Variants in CTIF observed in about 807,000 individuals in gnomAD.
CTIF encodes the protein CBP80/20-dependent translation initiation factor.
In CTIF, 21 loss-of-function variants were observed where a neutral mutation model predicts 66.0. The ratio of observed to expected loss-of-function variants is 0.32; its 90% CI spans 0.23 to 0.46. The LOEUF (loss-of-function observed/expected upper bound fraction) is 0.46. CTIF is among the 20% of genes least tolerant of loss of function. CTIF has a pLI of 1.00. For missense variants in CTIF, 739 were observed against 812.7 expected (o/e 0.91, Z 1.10); for synonymous variants, 345 against 326.4 (o/e 1.06, Z -0.62).
chr18:48,681,104 A>T (rs2091733630), intron 6 of CTIF, among the ~76,000 whole-genome samples: 1 of 152,236 alleles, frequency 6.6e-6, no homozygotes, highest in South Asian at 2.1e-4. Context: ...TGCAGCGGCC[A>T]GGCAGGAGGA....
At chr18:48,601,087 T>C (rs1255966452) in intron 1 of CTIF, among the ~76,000 whole-genome samples, 1 of 152,188 alleles carries the variant, frequency 6.6e-6, no homozygotes, top group African/African-American at 2.4e-5. Flanking sequence ...CGGAGAAGGG[T>C]ATCTCAGCTC....
intron 1 of CTIF, among the ~76,000 whole-genome samples, chr18:48,593,604 G>C (rs1462690726): frequency 6.6e-6 from 1 of 151,792 alleles, no homozygotes; most frequent in Non-Finnish European, 1.5e-5. Flanking sequence ...GGATGGTCTC[G>C]ATCTCCTGAC....
chr18:48,541,929 G>C (rs150814334), intron 1 of CTIF, among the ~76,000 whole-genome samples: 2 of 151,964 alleles, frequency 1.3e-5, no homozygotes, highest in East Asian at 3.9e-4. Context: ...AACACACTGA[G>C]GCTCAAAAAT....
chr18:48,794,213 A>G lies in CTIF; in HGVS notation c.1372-23008A>G, dbSNP rs191966273. Among the ~76,000 whole-genome samples, 65 of 152,348 alleles carry G rather than the reference A, an allele frequency of 4.3e-4. 1 individual carries two copies. Among genetic ancestry groups the G allele is most frequent in the Non-Finnish European group, 1.0e-4 (7 of 68,028 alleles). ...CATTCCTCCTAGAGATATGCAGTCAATACCACTCACATCTTTTGCTGCTCC... is the reference window on the plus strand; with the variant it reads ...CATTCCTCCTAGAGATATGCAGTCAGTACCACTCACATCTTTTGCTGCTCC... On this transcript the variant is annotated intron_variant, in intron 9 of 11. Coordinates refer to ENST00000256413, the MANE Select transcript of CTIF (RefSeq NM_014772.3).
chr18:48,647,891 A>G (rs2091077908), intron 3 of CTIF, among the ~76,000 whole-genome samples: 1 of 152,126 alleles, frequency 6.6e-6, no homozygotes, highest in Non-Finnish European at 1.5e-5. Flanking sequence ...AAAAGGACAG[A>G]ACTTTGGGGC....
chr18:48,615,477 A>G (rs1191082591), intron 1 of CTIF, among the ~76,000 whole-genome samples: 2 of 152,186 alleles, frequency 1.3e-5, no homozygotes, highest in Non-Finnish European at 2.9e-5. Flanking sequence ...CTGGAAAACG[A>G]GAGTTCCTGG....
intron 9 of CTIF, among the ~76,000 whole-genome samples, chr18:48,778,766 C>A (rs1021869148): frequency 6.6e-6 from 1 of 152,176 alleles, no homozygotes; most frequent in Non-Finnish European, 1.5e-5. Context: ...GAGGTGAGCA[C>A]CTTGGGTTGG....
At chr18:48,611,549 A>G (rs2090307677) in intron 1 of CTIF, among the ~76,000 whole-genome samples, 1 of 152,174 alleles carries the variant, frequency 6.6e-6, no homozygotes, top group South Asian at 2.1e-4. Flanking sequence ...GATTTTCTAG[A>G]TCTTGTCTAT....
At chr18:48,800,603 C>A (rs552566027) in intron 9 of CTIF, among the ~76,000 whole-genome samples, 4 of 152,364 alleles carry the variant, frequency 2.6e-5, no homozygotes, top group Non-Finnish European at 4.4e-5. Context: ...GGATAACCCC[C>A]CACACACCCA....
At chr18:48,805,944 G>C (rs967923336) in intron 9 of CTIF, among the ~76,000 whole-genome samples, 1 of 152,208 alleles carries the variant, frequency 6.6e-6, no homozygotes, top group African/African-American at 2.4e-5. Context: ...CATTCCAGGG[G>C]ACATGAAGAT....
chr18:48,782,315 C>T (rs933837065), intron 9 of CTIF, among the ~76,000 whole-genome samples: 1 of 152,028 alleles, frequency 6.6e-6, no homozygotes, highest in Non-Finnish European at 1.5e-5. Flanking sequence ...AGCTCCAGGG[C>T]CCCTGCCTGG....
At chr18:48,746,129 A>C in intron 7 of CTIF, among the ~76,000 whole-genome samples, 1 of 152,168 alleles carries the variant, frequency 6.6e-6, no homozygotes. Context: ...AGGAAGCCCA[A>C]CCGGCTCCTC....
chr18:48,703,488 T>C (rs1452986476), intron 6 of CTIF, among the ~76,000 whole-genome samples: 1 of 152,222 alleles, frequency 6.6e-6, no homozygotes, highest in Non-Finnish European at 1.5e-5. Flanking sequence ...AGGAAGACTT[T>C]CTTGTGTCTG....
chr18:48,585,774 T>C (rs976639980), intron 1 of CTIF, among the ~76,000 whole-genome samples: 1 of 152,198 alleles, frequency 6.6e-6, no homozygotes, highest in African/African-American at 2.4e-5. Flanking sequence ...TTGACCACTG[T>C]TCCCACCTCC....
At chr18:48,743,830 G>A (rs1331674623) in intron 7 of CTIF, among the ~76,000 whole-genome samples, 1 of 152,122 alleles carries the variant, frequency 6.6e-6, no homozygotes, top group Non-Finnish European at 1.5e-5. Context: ...CTATTATGGT[G>A]AGAGGAATTC....
chr18:48,552,350 G>T lies in CTIF; in HGVS notation c.-29+13038G>T, dbSNP rs533067051. On this transcript the variant is annotated intron_variant, in intron 1 of 11. Coordinates refer to ENST00000256413, the MANE Select transcript of CTIF (RefSeq NM_014772.3). Reference sequence around the variant, plus strand: ...CTGTGCCCTCTTGGCTCTCTAGAAAGAACTGTGTGGAAATTTCTGGATTCC... The same window carrying T: ...CTGTGCCCTCTTGGCTCTCTAGAAATAACTGTGTGGAAATTTCTGGATTCC... 2.6e-5 allele frequency among the ~76,000 whole-genome samples: 4 copies of T among 152,342 alleles called. No individual in the cohort carries two copies. The East Asian group carries it at 7.7e-4, about 29-fold the overall frequency.
chr18:48,621,945 G>A (rs2090501046), intron 2 of CTIF, among the ~76,000 whole-genome samples: 1 of 152,236 alleles, frequency 6.6e-6, no homozygotes, highest in Admixed American at 6.5e-5. Context: ...ACAATGACAG[G>A]AGGGAGTGGC....
chr18:48,795,871 C>CT (rs1456132537), intron 9 of CTIF, among the ~76,000 whole-genome samples: 1 of 152,184 alleles, frequency 6.6e-6, no homozygotes, highest in Non-Finnish European at 1.5e-5. Context: ...CATCCACACC[C>CT]TGGGAAAGCC....
At chr18:48,541,980 T>TC (rs767023838) in intron 1 of CTIF, among the ~76,000 whole-genome samples, 6 of 152,000 alleles carry the variant, frequency 3.9e-5, no homozygotes, top group Non-Finnish European at 8.8e-5. Context: ...AGGGCCACAT[T>TC]CCCCCTTTTC....
Sources: gnomAD v4.1 joint callset for allele counts (sites outside exome capture counted in the v4.1 genomes callset) on GRCh38, gnomAD v4.1.1 for gene constraint, MANE v1.5 for transcripts, NCBI Gene and HGNC (gene_info 2026-07-23, HGNC 2026-07-21) for gene names.